MLIP: variants seen among roughly 807,000 people sequenced by gnomAD.
MLIP encodes muscular LMNA interacting protein.
Under a neutral mutation model 84.8 loss-of-function variants are expected in MLIP, and 79 were observed. That is an observed-to-expected ratio of 0.93 (90% confidence interval 0.78 to 1.12). The LOEUF (loss-of-function observed/expected upper bound fraction) is 1.12, where lower values mean the gene tolerates loss of function less well. MLIP is among the 50% of genes most tolerant of loss of function. The pLI, the probability that MLIP is intolerant of heterozygous loss-of-function variation, is 0.00. For missense variants in MLIP, 1,257 were observed against 1,160.6 expected, an observed-to-expected ratio of 1.08 and a Z score of -1.21; for synonymous variants, 504 against 463.0, an observed-to-expected ratio of 1.09 and a Z score of -1.14.
At chr6:54,021,603 A>T (rs558426570) in intron 1 of MLIP, among the ~76,000 whole-genome samples, 1 of 152,324 alleles carries the variant, frequency 6.6e-6, no homozygotes, top group South Asian at 2.1e-4. Flanking sequence ...TACACATCCA[A>T]TATAAATCTT....
Position 54,230,897 on chromosome 6 carries a change from A to T in MLIP, c.2902A>T (p.Ser968Cys). The T allele has an allele frequency of 1.2e-6, 2 of 1,613,972 alleles. No homozygotes were observed. The highest frequency in any genetic ancestry group is 1.7e-6 in the Non-Finnish European group (2 of 1,179,940). ...DEQENSHTLLSHNACNKLSHP... is the reference protein window; with the variant it reads ...DEQENSHTLLCHNACNKLSHP... The stretch of plus-strand genomic sequence containing the variant: ...ACAGGAGAATTCTCACACCCTCCTC[A>T]GTCACAACGCATGCAACAAGGTGAG... The change falls in exon 12 of 14, where the codon AGT becomes TGT. Residue 968 changes from serine to cysteine, a missense_variant. Transcript: ENST00000502396.
At chr6:54,055,951 A>T (rs180832276) in intron 1 of MLIP, among the ~76,000 whole-genome samples, 105 of 152,276 alleles carry the variant, frequency 6.9e-4, no homozygotes, top group African/African-American at 2.4e-3. Flanking sequence ...GATGTGGGTT[A>T]TCTGTGAGTT....
At chr6:54,189,785 TAAAC>T (rs945561965) in intron 9 of MLIP, 81 bp from the exon 10 acceptor site, 12 of 1,028,232 alleles carry the variant, frequency 1.2e-5, no homozygotes, top group African/African-American at 8.0e-5. Flanking sequence ...CATATAATAA[TAAAC>T]AAACTTCAAA....
intron 1 of MLIP, among the ~76,000 whole-genome samples, chr6:54,030,046 A>G (rs1170387699): frequency 1.3e-5 from 2 of 152,208 alleles, no homozygotes; most frequent in Non-Finnish European, 2.9e-5. Context: ...TGTCTGGAGA[A>G]ACCCTGGACT....
At chr6:54,097,248 A>T (rs1439020118) in intron 1 of MLIP, among the ~76,000 whole-genome samples, 2 of 152,266 alleles carry the variant, frequency 1.3e-5, no homozygotes, top group East Asian at 3.9e-4. Context: ...TCTTCTTTAG[A>T]GGGAAGCCCT....
chr6:54,168,908 TA>T (rs1321413892), intron 8 of MLIP, among the ~76,000 whole-genome samples: 1 of 147,200 alleles, frequency 6.8e-6, no homozygotes, highest in South Asian at 2.1e-4. Flanking sequence ...AGAGGAAGAT[TA>T]AAAAAAGTGA....
intron 5 of MLIP, among the ~76,000 whole-genome samples, chr6:54,157,010 A>G (rs1193106294): frequency 6.6e-6 from 1 of 152,076 alleles, no homozygotes; most frequent in African/African-American, 2.4e-5. Flanking sequence ...GGAATTCTGT[A>G]AGTGAACTGA....
exon 1 of MLIP, chr6:54,019,006 T>A: frequency 6.3e-7 from 1 of 1,589,858 alleles, no homozygotes; most frequent in Non-Finnish European, 8.6e-7. Context: ...TCAGTCTTTC[T>A]CTCTTTCTCA....
intron 1 of MLIP, among the ~76,000 whole-genome samples, chr6:54,040,461 T>G (rs943940386): frequency 2.0e-5 from 3 of 152,024 alleles, no homozygotes; most frequent in African/African-American, 4.8e-5. Flanking sequence ...TTACACAGTG[T>G]TGATGGGAAT....
At chr6:54,114,954 C>T (rs1329656192) in intron 1 of MLIP, among the ~76,000 whole-genome samples, 1 of 152,142 alleles carries the variant, frequency 6.6e-6, no homozygotes, top group Non-Finnish European at 1.5e-5. Flanking sequence ...AAATTCTTTT[C>T]TGATTGCTTC....
chr6:54,116,586 A>T (rs1035351079), intron 1 of MLIP, among the ~76,000 whole-genome samples: 1 of 152,234 alleles, frequency 6.6e-6, no homozygotes, highest in Non-Finnish European at 1.5e-5. Context: ...TGAATAAGAA[A>T]GTTGAATCAG....
chr6:54,046,952 C>G (rs1211726884), intron 1 of MLIP: 1 of 152,100 alleles, frequency 6.6e-6, no homozygotes, highest in African/African-American at 2.4e-5. Flanking sequence ...ATTATCTGAC[C>G]TATATACAAC....
upstream of MLIP, among the ~76,000 whole-genome samples, chr6:54,109,909 T>C (rs1337279920): frequency 6.2e-5 from 7 of 112,526 alleles, no homozygotes; most frequent in East Asian, 5.7e-4. Context: ...CTTTCTTTCT[T>C]TTTCTTTCTT....
At chr6:54,252,593 G>A (rs1385459331) in intron 12 of MLIP, among the ~76,000 whole-genome samples, 2 of 148,496 alleles carry the variant, frequency 1.3e-5, no homozygotes, top group African/African-American at 2.5e-5. Context: ...TCATGATTAT[G>A]TACATAATCA....
At chr6:54,218,987 A>G (rs1780031198) in intron 11 of MLIP, among the ~76,000 whole-genome samples, 1 of 149,010 alleles carries the variant, frequency 6.7e-6, no homozygotes, top group African/African-American at 2.5e-5. Context: ...GCGGATCATG[A>G]GGTCAGGAGA....
intron 12 of MLIP, among the ~76,000 whole-genome samples, chr6:54,247,299 A>G (rs1360229822): frequency 6.6e-6 from 1 of 152,168 alleles, no homozygotes; most frequent in African/African-American, 2.4e-5. Context: ...CGATCAGTAA[A>G]TACCTCATTT....
chr6:54,243,781 TG>T (rs11310529), intron 12 of MLIP, among the ~76,000 whole-genome samples: 5,346 of 152,238 alleles, frequency 0.035, 300 homozygotes, highest in African/African-American at 0.12. Context: ...GGCTTCCGTT[TG>T]GTCAAACCCA....
intron 11 of MLIP, among the ~76,000 whole-genome samples, chr6:54,223,284 T>C (rs1309597277): frequency 2.6e-5 from 3 of 117,178 alleles, no homozygotes; most frequent in Non-Finnish European, 5.3e-5. Context: ...GTCTGTTCTT[T>C]TGCTGTCGTA....
intron 12 of MLIP, among the ~76,000 whole-genome samples, chr6:54,255,041 C>T (rs1782915199): frequency 6.6e-6 from 1 of 152,042 alleles, no homozygotes; most frequent in Non-Finnish European, 1.5e-5. Flanking sequence ...CATAGTTATA[C>T]CAGCCAGCCC....
Sources: gnomAD v4.1 joint callset for allele counts (sites outside exome capture counted in the v4.1 genomes callset) on GRCh38, gnomAD v4.1.1 for gene constraint, MANE v1.5 for transcripts, NCBI Gene and HGNC (gene_info 2026-07-23, HGNC 2026-07-21) for gene names.